Variants in ZNF841 observed in about 807,000 individuals in gnomAD.
ZNF841 encodes the protein TCONS_00006091.
Under a neutral mutation model 13.0 loss-of-function variants are expected in ZNF841, and 11 were observed. The ratio of observed to expected loss-of-function variants is 0.85; its 90% CI spans 0.53 to 1.40. ZNF841 has a LOEUF of 1.40. Ranked by LOEUF, ZNF841 falls within the 40% of genes most tolerant of loss-of-function variation. The probability of loss-of-function intolerance (pLI) is 0.00; values close to 1 mark genes in which losing one functional copy is unlikely to be tolerated. For missense variants in ZNF841, 1,068 were observed against 1,139.5 expected, an observed-to-expected ratio of 0.94 and a Z score of 0.90; for synonymous variants, 369 against 381.6, an observed-to-expected ratio of 0.97 and a Z score of 0.38.
At chr19:52,059,370 A>AAAAAAAAAAAATAT in the ZNF841 span, among the ~76,000 whole-genome samples, 5 of 69,646 alleles carry the variant, frequency 7.2e-5, no homozygotes, top group African/African-American at 4.1e-4. Context: ...AAAAAAAAAA[A>AAAAAAAAAAAATAT]ATATATATAT....
downstream of ZNF841, chr19:52,064,337 A>C (rs1179031388): frequency 2.4e-5 from 3 of 126,018 alleles, no homozygotes; most frequent in Non-Finnish European, 4.8e-5. Context: ...TGGGCGACAG[A>C]GCGAGACTCC....
intron 1 of ZNF841, among the ~76,000 whole-genome samples, chr19:52,095,044 C>T (rs1308852579): frequency 6.6e-6 from 1 of 152,130 alleles, no homozygotes; most frequent in African/African-American, 2.4e-5. Flanking sequence ...CTCTCCTGAT[C>T]CCTCTCACCC....
chr19:52,066,816 T>G lies in ZNF841; in HGVS notation c.1066A>C (p.Lys356Gln). 1.2e-6 allele frequency: 2 copies of G among 1,613,746 alleles called. No individual in the cohort carries two copies. Among genetic ancestry groups the G allele is most frequent in the South Asian group, 2.2e-5 (2 of 91,032 alleles). ...ICNECGKSFS[K>Q]SSHLAVHQRI... ...TGATGAACTGCAAGGTGGGAACTTT[T>G]ACTAAAGGACTTGCCACATTCATTA... The change falls in exon 7 of 7, where the codon AAA becomes CAA. Residue 356 changes from lysine (K) to glutamine (Q), a missense_variant. Coordinates refer to ENST00000594440, the MANE Select transcript of ZNF841 (RefSeq NM_001136499.2).
At chr19:52,062,308 A>G (rs1335253260), downstream of ZNF841, among the ~76,000 whole-genome samples, 1 of 152,220 alleles carries the variant, frequency 6.6e-6, no homozygotes, top group Non-Finnish European at 1.5e-5. Context: ...AGAAGTGAAA[A>G]GAATGTACAA....
At chr19:52,058,665 T>C in the ZNF841 span, 1 of 152,870 alleles carries the variant, frequency 6.5e-6, no homozygotes, top group African/African-American at 2.4e-5. Context: ...CTTAGACAAA[T>C]TGTCTACAAT....
chr19:52,074,744 T>A (rs1457062338), intron 6 of ZNF841, among the ~76,000 whole-genome samples: 1 of 152,082 alleles, frequency 6.6e-6, no homozygotes, highest in Non-Finnish European at 1.5e-5. Flanking sequence ...CTAGAACTCC[T>A]AACCTCAGGT....
rs1398724873 is a variant in ZNF841, at chr19:52,065,930, T to C, written c.1952A>G (p.Lys651Arg). ...GCCACAATCATTACATTTATAAGGT[T>C]TCTCTCCGGTATGAATTTTCCGATG... ...ARHRKIHTGE[K>R]PYKCNDCGKA... The change falls in exon 7 of 7, where the codon AAA becomes AGA. Residue 651 changes from lysine to arginine, a missense_variant. By Grantham distance (26) the Lys-to-Arg change is conservative. Coordinates refer to ENST00000594440, the MANE Select transcript of ZNF841 (RefSeq NM_001136499.2). 2.5e-6 allele frequency: 4 copies of C among 1,614,210 alleles called. No individual in the cohort carries two copies.
intron 3 of ZNF841, among the ~76,000 whole-genome samples, chr19:52,085,347 A>G (rs2088235927): frequency 6.6e-6 from 1 of 152,200 alleles, no homozygotes; most frequent in Non-Finnish European, 1.5e-5. Flanking sequence ...AGGGCACAAA[A>G]CGTGTATTTG....
the ZNF841 span, chr19:52,058,758 T>C: frequency 1.3e-5 from 2 of 153,228 alleles, no homozygotes; most frequent in Non-Finnish European, 2.9e-5. Context: ...CAAAAAGCTG[T>C]AAAAATTTCT....
chr19:52,061,106 G>T (rs1026678582), downstream of ZNF841, among the ~76,000 whole-genome samples: 1 of 152,190 alleles, frequency 6.6e-6, no homozygotes, highest in Non-Finnish European at 1.5e-5. Flanking sequence ...GGGCCCTAAA[G>T]GGGGGATGCC....
At chr19:52,080,788 G>A (rs776233690) in intron 4 of ZNF841, among the ~76,000 whole-genome samples, 10 of 152,148 alleles carry the variant, frequency 6.6e-5, no homozygotes, top group Non-Finnish European at 1.3e-4. Context: ...CAAAGGCCCA[G>A]AGAGGACAAA....
At chr19:52,078,986 T>C (rs1355943859) in intron 4 of ZNF841, among the ~76,000 whole-genome samples, 2 of 152,172 alleles carry the variant, frequency 1.3e-5, no homozygotes, top group Non-Finnish European at 2.9e-5. Context: ...TCATTATTCT[T>C]AGACATGTAT....
At chr19:52,060,772 C>G (rs1047339567), downstream of ZNF841, among the ~76,000 whole-genome samples, 7 of 152,164 alleles carry the variant, frequency 4.6e-5, no homozygotes, top group Non-Finnish European at 7.3e-5. Context: ...CCAGGGCAAA[C>G]TCACAGGTTT....
At chr19:52,073,759 A>C (rs1161962300) in intron 6 of ZNF841, among the ~76,000 whole-genome samples, 1 of 152,224 alleles carries the variant, frequency 6.6e-6, no homozygotes. Context: ...GATTCAGTAT[A>C]ACATGATGGA....
At chr19:52,067,822 C>T (rs1466186698) in intron 6 of ZNF841, among the ~76,000 whole-genome samples, 1 of 151,916 alleles carries the variant, frequency 6.6e-6, no homozygotes, top group African/African-American at 2.4e-5. Context: ...TTTAGGAAAG[C>T]CTAGTTTCAA....
chr19:52,095,336 G>C (rs554145111), intron 1 of ZNF841, among the ~76,000 whole-genome samples: 1 of 152,272 alleles, frequency 6.6e-6, no homozygotes, highest in African/African-American at 2.4e-5. Flanking sequence ...GCTCCTTCAG[G>C]AGCCGGACAG....
intron 2 of ZNF841, among the ~76,000 whole-genome samples, chr19:52,092,101 C>T (rs796790146): frequency 2.2e-4 from 33 of 150,774 alleles, no homozygotes; most frequent in African/African-American, 8.0e-4. Flanking sequence ...GAGATTGAGC[C>T]ACCACACTCT....
In ZNF841 at chr19:52,094,061, C is replaced by CA. The variant is rs1334673058; in HGVS notation, c.-269-91dup. 3.9e-5 allele frequency: 6 copies of CA among 152,136 alleles called. No individual in the cohort carries two copies. In the East Asian group the frequency reaches 5.8e-4, roughly 15 times the overall value. 9.4% of individuals were successfully genotyped at this position (152,136 alleles called of 1,614,324 possible). ...CAAAGACATATCTTGTAGTGACAGTCAGTCATTTCTTGCCCCATTTCTCCC... is the reference window on the plus strand; with the variant it reads ...CAAAGACATATCTTGTAGTGACAGTCAAGTCATTTCTTGCCCCATTTCTCCC... On this transcript the variant is annotated intron_variant, in intron 1 of 6. Coordinates refer to ENST00000594440, the MANE Select transcript of ZNF841 (RefSeq NM_001136499.2).
intron 1 of ZNF841, among the ~76,000 whole-genome samples, chr19:52,094,861 T>C (rs1406754892): frequency 6.6e-6 from 1 of 152,112 alleles, no homozygotes; most frequent in Non-Finnish European, 1.5e-5. Context: ...CCCCTTTTTT[T>C]CTAAATTTCT....
Sources: gnomAD v4.1 joint callset for allele counts (sites outside exome capture counted in the v4.1 genomes callset) on GRCh38, gnomAD v4.1.1 for gene constraint, MANE v1.5 for transcripts, NCBI Gene and HGNC (gene_info 2026-07-23, HGNC 2026-07-21) for gene names.